Variants in SLC12A7 observed in about 807,000 individuals in gnomAD.
SLC12A7 encodes solute carrier family 12 member 7.
In SLC12A7, 100 loss-of-function variants were observed where a neutral mutation model predicts 120.6. The observed-to-expected ratio is 0.83, with a 90% CI of 0.71 to 0.98. The LOEUF (loss-of-function observed/expected upper bound fraction) is 0.98, where lower values mean the gene tolerates loss of function less well. Among genes scored for constraint, SLC12A7 ranks in the 50% least tolerant of loss-of-function variants. The probability of loss-of-function intolerance (pLI) is 0.00; values close to 1 mark genes in which losing one functional copy is unlikely to be tolerated. For missense variants in SLC12A7, 1,373 were observed against 1,548.1 expected, an observed-to-expected ratio of 0.89 and a Z score of 1.90; for synonymous variants, 760 against 678.0, an observed-to-expected ratio of 1.12 and a Z score of -1.88.
intron 1 of SLC12A7, among the ~76,000 whole-genome samples, chr5:1,111,617 G>A (rs535325585): frequency 4.2e-4 from 64 of 152,272 alleles, no homozygotes; most frequent in African/African-American, 1.3e-3. Context: ...CAGCAGCGGC[G>A]TCCACACCTC....
At chr5:1,055,263 A>G (rs1247269555) in intron 22 of SLC12A7, among the ~76,000 whole-genome samples, 1 of 152,252 alleles carries the variant, frequency 6.6e-6, no homozygotes, top group Admixed American at 6.5e-5. Flanking sequence ...GTGCAGACAC[A>G]CTAACATGTA....
At chr5:1,076,975 A>G (rs1476224194) in intron 12 of SLC12A7, among the ~76,000 whole-genome samples, 163 bp from the exon 13 acceptor site, 1 of 152,084 alleles carries the variant, frequency 6.6e-6, no homozygotes, top group Non-Finnish European at 1.5e-5. Context: ...CCTGGGAAGA[A>G]GCCCTGACAA....
the SLC12A7 span, among the ~76,000 whole-genome samples, chr5:1,147,247 G>GCC: frequency 0.11 from 8,091 of 75,356 alleles, 694 homozygotes; most frequent in African/African-American, 0.32. Flanking sequence ...GGCCCACCCC[G>GCC]CCACCCCCCC....
rs1414519371 is a variant in SLC12A7, at chr5:1,075,440, C to G, written c.1898G>C (p.Cys633Ser). 6.2e-7 allele frequency: 1 copy of G among 1,612,460 alleles called. No homozygotes were observed. Among genetic ancestry groups the G allele is most frequent in the Non-Finnish European group, 8.5e-7 (1 of 1,179,678 alleles). ...GGCGGACAGCGCGTAGTACCAGGAG[C>G]AGATGAACATCAGCGCCAGGCACAG... ...MSLCLALMFI[C>S]SWYYALSAML... Residue 633 changes from cysteine to serine, a missense_variant, in exon 15 of 24, where the codon TGC becomes TCC. Transcript: ENST00000264930.
At chr5:1,109,432 CCTT>C (rs1389247759) in intron 1 of SLC12A7, among the ~76,000 whole-genome samples, 1 of 152,210 alleles carries the variant, frequency 6.6e-6, no homozygotes. Context: ...GTTAACACGT[CCTT>C]CTCATTTCAA....
the SLC12A7 span, among the ~76,000 whole-genome samples, chr5:1,135,150 G>A: frequency 6.6e-6 from 1 of 152,164 alleles, no homozygotes; most frequent in East Asian, 1.9e-4. Context: ...TCACCTTCCT[G>A]AGCCTCGGTT....
the SLC12A7 span, among the ~76,000 whole-genome samples, chr5:1,132,360 T>A: frequency 6.6e-6 from 1 of 152,200 alleles, no homozygotes; most frequent in Non-Finnish European, 1.5e-5. Context: ...CAGCGCATAA[T>A]GAAGAAGTAA....
chr5:1,128,295 A>G, the SLC12A7 span, among the ~76,000 whole-genome samples: 1 of 152,170 alleles, frequency 6.6e-6, no homozygotes, highest in African/African-American at 2.4e-5. Context: ...GCAGCACAAG[A>G]GCCAAATCCC....
chr5:1,133,272 G>C, the SLC12A7 span, among the ~76,000 whole-genome samples: 1 of 152,198 alleles, frequency 6.6e-6, no homozygotes, highest in Non-Finnish European at 1.5e-5. Flanking sequence ...GGCGCCCTGC[G>C]CTGGGCTAAT....
At chr5:1,100,422 A>G (rs1248182317) in intron 1 of SLC12A7, among the ~76,000 whole-genome samples, 1 of 152,230 alleles carries the variant, frequency 6.6e-6, no homozygotes, top group African/African-American at 2.4e-5. Context: ...CAAAGGCTCG[A>G]TGGTCTCGCA....
intron 1 of SLC12A7, among the ~76,000 whole-genome samples, chr5:1,106,083 C>T (rs898295627): frequency 3.3e-5 from 5 of 152,254 alleles, no homozygotes; most frequent in Admixed American, 1.3e-4. Flanking sequence ...AGCACCCAGC[C>T]AGGAACTGTG....
chr5:1,060,857 A>G (rs1736108754), intron 20 of SLC12A7, among the ~76,000 whole-genome samples: 1 of 146,826 alleles, frequency 6.8e-6, no homozygotes, highest in Non-Finnish European at 1.5e-5. Context: ...CCCAGAACAC[A>G]TGGAGAAGCC....
At chr5:1,067,630 C>A (rs907596623) in intron 17 of SLC12A7, among the ~76,000 whole-genome samples, 61 of 152,266 alleles carry the variant, frequency 4.0e-4, no homozygotes, top group African/African-American at 1.4e-3. Context: ...GGGGCCACTT[C>A]CTACATGACT....
At chr5:1,094,741 CA>C in intron 1 of SLC12A7, among the ~76,000 whole-genome samples, 2 of 152,314 alleles carry the variant, frequency 1.3e-5, no homozygotes, top group Non-Finnish European at 2.9e-5. Flanking sequence ...CTTAATCCGC[CA>C]TTTCGGAGGG....
the SLC12A7 span, among the ~76,000 whole-genome samples, chr5:1,153,206 C>G: frequency 0.024 from 3,580 of 152,202 alleles, 158 homozygotes; most frequent in African/African-American, 0.082. Context: ...GGAGGAGGGA[C>G]GGGCTTGCCC....
chr5:1,122,833 G>A, the SLC12A7 span, among the ~76,000 whole-genome samples: 47 of 152,386 alleles, frequency 3.1e-4, no homozygotes, highest in Non-Finnish European at 4.3e-4. Context: ...TGGACACGAG[G>A]GTTGCTATTC....
the SLC12A7 span, among the ~76,000 whole-genome samples, chr5:1,135,962 G>A: frequency 6.6e-6 from 1 of 152,192 alleles, no homozygotes; most frequent in Non-Finnish European, 1.5e-5. Context: ...TGGCCTCGTC[G>A]GCCCTGCGGG....
the SLC12A7 span, among the ~76,000 whole-genome samples, chr5:1,141,195 T>C: frequency 6.6e-6 from 1 of 152,210 alleles, no homozygotes; most frequent in Non-Finnish European, 1.5e-5. Flanking sequence ...TGTCTCTGTA[T>C]CGTCCCTGCT....
chr5:1,085,365 T>C lies in SLC12A7; in HGVS notation c.784A>G (p.Met262Val), dbSNP rs758376233. 8 of 1,612,300 alleles carry C rather than the reference T, an allele frequency of 5.0e-6. No individual in the cohort carries two copies. The highest frequency in any genetic ancestry group is 1.7e-5 in the Admixed American group (1 of 59,966). Residue 262 changes from methionine to valine, a missense_variant, in exon 7 of 24, where the codon ATG (methionine) becomes GTG (valine). Coordinates refer to ENST00000264930, the MANE Select transcript of SLC12A7 (RefSeq NM_006598.3). ...ACGCCCACGAAGACCACCAGGGCCATGAGCACGAGCGTGCACGTGCCGTAC... is the reference window on the plus strand; with the variant it reads ...ACGCCCACGAAGACCACCAGGGCCACGAGCACGAGCGTGCACGTGCCGTAC... ...RVYGTCTLVL[M>V]ALVVFVGVKY...
Sources: gnomAD v4.1 joint callset for allele counts (sites outside exome capture counted in the v4.1 genomes callset) on GRCh38, gnomAD v4.1.1 for gene constraint, MANE v1.5 for transcripts, NCBI Gene and HGNC (gene_info 2026-07-23, HGNC 2026-07-21) for gene names.